Variants in RARS1 observed in about 807,000 individuals in gnomAD.
The protein encoded by RARS1 is arginine--tRNA ligase, cytoplasmic.
Under a neutral mutation model 78.7 loss-of-function variants are expected in RARS1, and 75 were observed. The ratio of observed to expected loss-of-function variants is 0.95; its 90% CI spans 0.79 to 1.15. RARS1 has a LOEUF of 1.15. Ranked by LOEUF, RARS1 falls within the 50% of genes most tolerant of loss-of-function variation. RARS1 has a pLI of 0.00. For missense variants in RARS1, 787 were observed against 787.5 expected (o/e 1.00, Z 0.01); for synonymous variants, 273 against 268.2 (o/e 1.02, Z -0.18).
chr5:168,499,708 TAAAA>T (rs11345301), intron 7 of RARS1, among the ~76,000 whole-genome samples: 1 of 148,126 alleles, frequency 6.8e-6, no homozygotes, highest in African/African-American at 2.5e-5. Flanking sequence ...CAAACCACAG[TAAAA>T]AAAAAAGCCA....
intron 12 of RARS1, among the ~76,000 whole-genome samples, chr5:168,512,871 G>A (rs1390591534): frequency 6.6e-6 from 1 of 152,116 alleles, no homozygotes; most frequent in African/African-American, 2.4e-5. Flanking sequence ...TCAATACTTC[G>A]TATCCTTCAG....
intron 2 of RARS1, among the ~76,000 whole-genome samples, chr5:168,490,903 G>A (rs1315856836): frequency 3.3e-5 from 5 of 152,038 alleles, no homozygotes; most frequent in African/African-American, 1.2e-4. Flanking sequence ...TTGGGAGGCC[G>A]AGGCAGGTGA....
chr5:168,486,953 TC>T (rs1206159157), intron 1 of RARS1, among the ~76,000 whole-genome samples: 1 of 152,106 alleles, frequency 6.6e-6, no homozygotes, highest in Admixed American at 6.5e-5. Context: ...CCGCAGTTCT[TC>T]CCGGGTTACT....
At chr5:168,490,214 T>C (rs1758053225) in intron 2 of RARS1, among the ~76,000 whole-genome samples, 2 of 152,228 alleles carry the variant, frequency 1.3e-5, no homozygotes, top group Admixed American at 6.5e-5. Flanking sequence ...CAAAATTCCT[T>C]TTCCATAGAA....
chr5:168,494,685 C>G, intron 5 of RARS1, 35 bp downstream of exon 5: 1 of 1,397,352 alleles, frequency 7.2e-7, no homozygotes, highest in Non-Finnish European at 1.0e-6. Context: ...ATATTAGTAT[C>G]TTAGAACTGC....
At chr5:168,501,189 A>G (rs1308026116) in intron 8 of RARS1, among the ~76,000 whole-genome samples, 1 of 152,214 alleles carries the variant, frequency 6.6e-6, no homozygotes, top group Non-Finnish European at 1.5e-5. Context: ...TTTGAAGAGT[A>G]AATGGGTAAA....
chr5:168,487,231 G>GA (rs1482639025), intron 1 of RARS1, among the ~76,000 whole-genome samples: 2 of 45,222 alleles, frequency 4.4e-5, no homozygotes, highest in Non-Finnish European at 7.2e-5. Context: ...GGCTGTGTTG[G>GA]GGGGGGTCCC....
chr5:168,492,097 G>A (rs1582427509), intron 2 of RARS1, among the ~76,000 whole-genome samples: 1 of 152,020 alleles, frequency 6.6e-6, no homozygotes, highest in Non-Finnish European at 1.5e-5. Flanking sequence ...GGTATGATAA[G>A]TGCAGTAATA....
At chr5:168,497,676 A>C (rs1758227050) in intron 7 of RARS1, among the ~76,000 whole-genome samples, 1 of 151,702 alleles carries the variant, frequency 6.6e-6, no homozygotes, top group African/African-American at 2.4e-5. Context: ...TGATAAACAT[A>C]TAAAATTTGT....
intron 6 of RARS1, among the ~76,000 whole-genome samples, chr5:168,496,554 C>G (rs541068804): frequency 5.9e-5 from 9 of 151,920 alleles, no homozygotes; most frequent in African/African-American, 2.2e-4. Context: ...GCAATCCTGG[C>G]TCACTGCAAG....
chr5:168,501,947 T>A, intron 8 of RARS1, 54 bp from the exon 9 acceptor site: 1 of 1,555,082 alleles, frequency 6.4e-7, no homozygotes, highest in African/African-American at 1.4e-5. Context: ...ATGTTTCCTG[T>A]TTTTAAAAAA....
chr5:168,489,677 A>G (rs374861401), intron 2 of RARS1, among the ~76,000 whole-genome samples: 16 of 152,106 alleles, frequency 1.1e-4, no homozygotes, highest in Admixed American at 4.6e-4. Context: ...CCTCATTCCC[A>G]TAATTATTCT....
At chr5:168,509,469 G>A (rs893256036) in intron 11 of RARS1, among the ~76,000 whole-genome samples, 9 of 137,382 alleles carry the variant, frequency 6.6e-5, no homozygotes, top group African/African-American at 2.5e-4. Flanking sequence ...AAAGGAAAAT[G>A]ATATTATATC....
At chr5:168,503,089 T>C (rs1435715389) in intron 9 of RARS1, among the ~76,000 whole-genome samples, 1 of 152,244 alleles carries the variant, frequency 6.6e-6, no homozygotes, top group Non-Finnish European at 1.5e-5. Context: ...TTGTTTTCTT[T>C]TAGTTGCAAG....
intron 1 of RARS1, chr5:168,488,190 C>T (rs1428790441): frequency 1.6e-5 from 6 of 381,408 alleles, no homozygotes; most frequent in African/African-American, 6.5e-5. Flanking sequence ...TGCAGTGGCA[C>T]GATCTCGACT....
chr5:168,514,255 TTC>T (rs1212836138), intron 12 of RARS1, among the ~76,000 whole-genome samples: 5 of 152,160 alleles, frequency 3.3e-5, no homozygotes, highest in African/African-American at 1.2e-4. Flanking sequence ...GTGGGTTGAG[TTC>T]TTTCATCAGG....
At chr5:168,508,757 T>A (rs898172611) in intron 11 of RARS1, among the ~76,000 whole-genome samples, 1 of 152,164 alleles carries the variant, frequency 6.6e-6, no homozygotes, top group Admixed American at 6.5e-5. Flanking sequence ...AATTTTTTTT[T>A]AATTTCATCA....
rs769223668 is a variant in RARS1 at position 168,494,591 on chromosome 5, C to T, written c.520C>T (p.Gln174Ter). The T allele has an allele frequency of 2.5e-6, 4 of 1,611,410 alleles. No individual in the cohort carries two copies. Among genetic ancestry groups the T allele is most frequent in the East Asian group, 4.5e-5 (2 of 44,874 alleles). ...VHLRKDFVSEQLTSLLVNGVQ... is the reference protein window; with the variant it reads ...VHLRKDFVSE ...CTTAAGAAAGGATTTTGTATCAGAA[C>T]AATTGACCAGTCTTCTAGTGAATGG... The change falls in exon 5 of 15, where the codon CAA becomes TAA. Residue 174 changes from glutamine to a stop codon, truncating the protein, a stop_gained. Transcript: ENST00000231572. LOFTEE classifies it high-confidence loss of function.
chr5:168,486,521 G>T lies in RARS1; in HGVS notation c.23G>T (p.Cys8Phe), dbSNP rs779497127. MDVLVSE[C>F]SARLLQQEEE... ...AGGATGGACGTACTGGTGTCTGAGT[G>T]CTCCGCGCGGCTGCTGCAGCAGGTT... Residue 8 changes from cysteine to phenylalanine, a missense_variant, in exon 1 of 15, where the codon TGC (cysteine) becomes TTC (phenylalanine). Cys to Phe is a radical substitution (Grantham distance 205). Transcript: ENST00000231572. 2.5e-5 allele frequency: 39 copies of T among 1,558,758 alleles called. No individual in the cohort carries two copies. The highest frequency in any genetic ancestry group is 1.7e-4 in the Middle Eastern group (1 of 6,018).
Sources: gnomAD v4.1 joint callset for allele counts (sites outside exome capture counted in the v4.1 genomes callset) on GRCh38, gnomAD v4.1.1 for gene constraint, MANE v1.5 for transcripts, NCBI Gene and HGNC (gene_info 2026-07-23, HGNC 2026-07-21) for gene names.